CAMK2D: variants seen among roughly 807,000 people sequenced by gnomAD.
CAMK2D encodes calcium/calmodulin dependent protein kinase II delta.
A neutral mutation model predicts 84.0 loss-of-function variants in CAMK2D; 37 were observed. That is an observed-to-expected ratio of 0.44 (90% CI 0.34 to 0.58). CAMK2D has a LOEUF of 0.58. Ranked by LOEUF, CAMK2D falls within the 20% of genes least tolerant of loss-of-function variation. The pLI is 0.02. For synonymous variants in CAMK2D, 202 were observed against 212.5 expected (o/e 0.95, Z 0.43); for missense variants, 448 against 652.5 (o/e 0.69, Z 3.41).
At chr4:113,525,510 T>C (rs1322748470) in intron 8 of CAMK2D, among the ~76,000 whole-genome samples, 2 of 152,202 alleles carry the variant, frequency 1.3e-5, no homozygotes, top group Non-Finnish European at 2.9e-5. Context: ...CATTAATGTT[T>C]ATTATTTGCT....
chr4:113,452,739 A>T lies in CAMK2D; in HGVS notation c.*1806T>A, dbSNP rs1298580184. 1 of 152,582 alleles carries T rather than the reference A, an allele frequency of 6.6e-6. No homozygotes were observed. Among genetic ancestry groups the T allele is most frequent in the Admixed American group, 6.5e-5 (1 of 15,274 alleles). The allele number at this position is 152,582 out of a possible 1,614,324, so 9.5% of individuals were successfully genotyped here. A position where few individuals can be genotyped will look rare whatever the true frequency, so the allele number is the denominator to read the frequency against. ...TTCACAAAAGGGTAAAAGAAATTAA[A>T]AAGAGAAAAATGAGGCCATTATTTT... On this transcript the variant is annotated 3_prime_UTR_variant, in exon 21 of 21. Coordinates refer to ENST00000511664, the MANE Select transcript of CAMK2D (RefSeq NM_001321571.2).
intron 3 of CAMK2D, among the ~76,000 whole-genome samples, chr4:113,659,191 T>A (rs141519085): frequency 6.6e-6 from 1 of 152,208 alleles, no homozygotes; most frequent in Non-Finnish European, 1.5e-5. Context: ...TTGAGTTTCA[T>A]AGGAGGACCT....
chr4:113,513,435 A>AGAGT, intron 11 of CAMK2D, 65 bp from the exon 12 acceptor site: 1 of 967,546 alleles, frequency 1.0e-6, no homozygotes, highest in Non-Finnish European at 1.7e-6. Flanking sequence ...TAACAAATAT[A>AGAGT]GAGTCTTTGA....
At chr4:113,457,231 T>G (rs2097313801) in intron 19 of CAMK2D, 104 bp downstream of exon 19, 1 of 1,489,144 alleles carries the variant, frequency 6.7e-7, no homozygotes, top group South Asian at 1.4e-5. Flanking sequence ...TGTAACCAAC[T>G]ACTAGCGTTA....
intron 4 of CAMK2D, among the ~76,000 whole-genome samples, chr4:113,591,750 C>T (rs2098886967): frequency 6.6e-6 from 1 of 152,130 alleles, no homozygotes; most frequent in Admixed American, 6.6e-5. Context: ...TACAATTTTC[C>T]ACGTCTGTCC....
At chr4:113,627,277 C>T (rs776017819) in intron 3 of CAMK2D, among the ~76,000 whole-genome samples, 21 of 152,088 alleles carry the variant, frequency 1.4e-4, no homozygotes, top group Non-Finnish European at 2.6e-4. Context: ...TATCATTTTT[C>T]CATTACATTT....
At chr4:113,741,122 T>A (rs1442818928) in intron 2 of CAMK2D, among the ~76,000 whole-genome samples, 1 of 152,104 alleles carries the variant, frequency 6.6e-6, no homozygotes. Flanking sequence ...GCAACCATTA[T>A]TTTACTTAGT....
chr4:113,753,544 T>C (rs1450470183), intron 2 of CAMK2D, among the ~76,000 whole-genome samples: 1 of 151,884 alleles, frequency 6.6e-6, no homozygotes, highest in African/African-American at 2.4e-5. Context: ...GTAAGAGAAG[T>C]TATGGCAGAT....
intron 15 of CAMK2D, among the ~76,000 whole-genome samples, chr4:113,502,676 T>C (rs1019133032): frequency 3.3e-5 from 5 of 152,164 alleles, no homozygotes; most frequent in Non-Finnish European, 7.4e-5. Context: ...CACACAGTCA[T>C]CTTGACATAA....
intron 3 of CAMK2D, among the ~76,000 whole-genome samples, chr4:113,642,689 T>G (rs2099136985): frequency 1.3e-5 from 2 of 152,226 alleles, no homozygotes; most frequent in Admixed American, 1.3e-4. Flanking sequence ...CTGATAAGGC[T>G]GTCTGTGGAA....
intron 16 of CAMK2D, among the ~76,000 whole-genome samples, chr4:113,480,245 G>T (rs551899585): frequency 6.6e-6 from 1 of 152,196 alleles, no homozygotes; most frequent in Non-Finnish European, 1.5e-5. Context: ...TTACAGGCGT[G>T]AACTACCGCA....
At chr4:113,610,730 G>A (rs2098996505) in intron 3 of CAMK2D, among the ~76,000 whole-genome samples, 1 of 152,154 alleles carries the variant, frequency 6.6e-6, no homozygotes, top group African/African-American at 2.4e-5. Context: ...GCTCTTGAGT[G>A]CATGAAATGT....
intron 3 of CAMK2D, among the ~76,000 whole-genome samples, chr4:113,654,641 A>G (rs2099190740): frequency 6.6e-6 from 1 of 152,066 alleles, no homozygotes; most frequent in South Asian, 2.1e-4. Flanking sequence ...TGCTGCTTCA[A>G]GTTAGGTTCC....
In CAMK2D at chr4:113,550,905, A is replaced by G. The variant is rs555741387; in HGVS notation, c.341+1126T>C. On this transcript the variant is annotated intron_variant, in intron 5 of 20. Transcript: ENST00000511664. Reference sequence around the variant, plus strand: ...TACAGATAGATTCACAAAGTGCCATAAACAGTGCATTAAACCAAGAAGAAA... The same window carrying G: ...TACAGATAGATTCACAAAGTGCCATGAACAGTGCATTAAACCAAGAAGAAA... 3.9e-5 allele frequency among the ~76,000 whole-genome samples: 6 copies of G among 152,340 alleles called. 1 individual carries two copies. The South Asian group carries it at 1.2e-3, about 32-fold the overall frequency.
At chr4:113,649,581 T>C (rs1434945376) in intron 3 of CAMK2D, among the ~76,000 whole-genome samples, 2 of 152,362 alleles carry the variant, frequency 1.3e-5, no homozygotes, top group African/African-American at 2.4e-5. Context: ...TTAGCTTGTA[T>C]GTTAGTGCTC....
chr4:113,609,051 T>G (rs917817191), intron 4 of CAMK2D, 101 bp downstream of exon 4: 3 of 635,786 alleles, frequency 4.7e-6, no homozygotes, highest in East Asian at 2.6e-5. Context: ...TAAAAAATAT[T>G]GTAGCAGTCA....
intron 2 of CAMK2D, among the ~76,000 whole-genome samples, chr4:113,684,651 A>G (rs2099354498): frequency 6.6e-6 from 1 of 152,190 alleles, no homozygotes; most frequent in Non-Finnish European, 1.5e-5. Context: ...ACTATGTCCC[A>G]TCTTGCCTTT....
chr4:113,495,555 A>G (rs2097916855), intron 16 of CAMK2D, among the ~76,000 whole-genome samples: 1 of 152,204 alleles, frequency 6.6e-6, no homozygotes, highest in Admixed American at 6.5e-5. Context: ...ACCCACACAG[A>G]GAGCTCATTA....
At chr4:113,692,322 T>TA (rs200968518) in intron 2 of CAMK2D, among the ~76,000 whole-genome samples, 2,113 of 152,258 alleles carry the variant, frequency 0.014, 35 homozygotes, top group South Asian at 0.025. Context: ...AATATGGCCA[T>TA]AATTTTCTAA....
Sources: allele counts gnomAD v4.1 joint callset (sites outside exome capture counted in the v4.1 genomes callset), GRCh38; gene constraint gnomAD v4.1.1; transcripts MANE v1.5; gene names NCBI Gene and HGNC (gene_info 2026-07-23, HGNC 2026-07-21).